Variants in FREM3 observed in about 807,000 individuals in gnomAD.
FREM3 encodes FRAS1 related extracellular matrix 3, also known as FRAS1-related extracellular matrix protein 3.
A neutral mutation model predicts 129.1 loss-of-function variants in FREM3; 105 were observed. The observed-to-expected ratio is 0.81, with a 90% CI of 0.69 to 0.96. The LOEUF is 0.96. Among genes scored for constraint, FREM3 ranks in the 40% least tolerant of loss-of-function variants. The pLI, the probability that FREM3 is intolerant of heterozygous loss-of-function variation, is 0.00. For missense variants in FREM3, 2,593 were observed against 2,666.3 expected, an observed-to-expected ratio of 0.97 and a Z score of 0.61; for synonymous variants, 1,014 against 1,044.9, an observed-to-expected ratio of 0.97 and a Z score of 0.57.
chr4:143,618,397 TA>T (rs1052126463), intron 5 of FREM3, among the ~76,000 whole-genome samples: 2 of 151,190 alleles, frequency 1.3e-5, no homozygotes, highest in East Asian at 1.9e-4. Context: ...TGTTTGTGGT[TA>T]AAAAAAAGAA....
Position 143,699,194 on chromosome 4 carries a change from T to C in FREM3, c.1482A>G (p.Thr494=). The C allele has an allele frequency of 6.5e-7, 1 of 1,537,338 alleles. No homozygotes were observed. The highest frequency in any genetic ancestry group is 8.7e-7 in the Non-Finnish European group (1 of 1,146,934). ...CTCGCCCTGCTGCCAGGTCCGCTGGTGTGAAATACTTGCACCCAGCAGGTG... is the reference window on the plus strand; with the variant it reads ...CTCGCCCTGCTGCCAGGTCCGCTGGCGTGAAATACTTGCACCCAGCAGGTG... ...FGAPAGCKYF[T]PADLAAGRVV... The change falls in exon 1 of 8, where the codon ACA becomes ACG. Residue 494 remains threonine (T), a synonymous_variant. Coordinates refer to ENST00000329798, the MANE Select transcript of FREM3 (RefSeq NM_001168235.2). The surrounding 1 kb of genome is among the most constrained non-coding windows in gnomAD (Gnocchi z 4.2).
intron 2 of FREM3, among the ~76,000 whole-genome samples, chr4:143,685,739 C>T (rs13133417): frequency 4.9e-4 from 75 of 152,216 alleles, no homozygotes; most frequent in Non-Finnish European, 8.4e-4. Context: ...CAGCTTCATC[C>T]ATGTCCAAAC....
intron 6 of FREM3, among the ~76,000 whole-genome samples, chr4:143,594,850 C>T (rs1235455234): frequency 5.3e-5 from 8 of 152,148 alleles, no homozygotes; most frequent in Non-Finnish European, 1.2e-4. Context: ...AGAAGAGTTT[C>T]CAAGTACTCT....
At chr4:143,691,998 G>A (rs1740479354) in intron 2 of FREM3, among the ~76,000 whole-genome samples, 2 of 152,128 alleles carry the variant, frequency 1.3e-5, no homozygotes, top group Admixed American at 6.6e-5. Context: ...AAACTTTAAG[G>A]GAGAAAATGG....
chr4:143,647,894 C>T (rs549041295), intron 2 of FREM3, among the ~76,000 whole-genome samples: 20 of 152,296 alleles, frequency 1.3e-4, no homozygotes, highest in Admixed American at 7.8e-4. Context: ...AAGAAGGCCA[C>T]CATCCTCCAG....
chr4:143,641,341 G>T (rs964227750), intron 2 of FREM3, among the ~76,000 whole-genome samples: 4 of 152,082 alleles, frequency 2.6e-5, no homozygotes, highest in Non-Finnish European at 4.4e-5. Context: ...CCTTGTAGAG[G>T]CATAAAAATA....
intron 2 of FREM3, among the ~76,000 whole-genome samples, chr4:143,644,074 A>G (rs1022402293): frequency 1.3e-5 from 2 of 152,172 alleles, no homozygotes; most frequent in Admixed American, 6.5e-5. Flanking sequence ...CTGTTATACG[A>G]TGATCAGGAG....
chr4:143,643,802 A>T (rs577347601), intron 2 of FREM3, among the ~76,000 whole-genome samples: 84 of 152,274 alleles, frequency 5.5e-4, no homozygotes, highest in Admixed American at 1.0e-3. Context: ...CAAAATAACT[A>T]GAAGAGAGGC....
At chr4:143,595,356 T>C (rs1219243031) in intron 6 of FREM3, among the ~76,000 whole-genome samples, 1 of 152,224 alleles carries the variant, frequency 6.6e-6, no homozygotes, top group Non-Finnish European at 1.5e-5. Context: ...TTGGTCAGTA[T>C]TGGTTCTGTA....
Position 143,699,883 on chromosome 4 carries a change from C to T in FREM3, c.793G>A (p.Val265Met). The T allele has an allele frequency of 1.3e-6, 2 of 1,536,730 alleles. No homozygotes were observed. Among genetic ancestry groups the T allele is most frequent in the Middle Eastern group, 1.7e-4 (1 of 5,990 alleles). ...TATSSPNRDY[V>M]PMMVELLGPE... ...CCCAGCAGCTCCACCATCATGGGCACGTAGTCACGGTTGGGCGAGGAGGTG... is the reference window on the plus strand; with the variant it reads ...CCCAGCAGCTCCACCATCATGGGCATGTAGTCACGGTTGGGCGAGGAGGTG... The change falls in exon 1 of 8, where the codon GTG (valine) becomes ATG (methionine). Residue 265 changes from valine to methionine, a missense_variant. Coordinates refer to ENST00000329798, the MANE Select transcript of FREM3 (RefSeq NM_001168235.2). The surrounding 1 kb of genome is among the most constrained non-coding windows in gnomAD (Gnocchi z 4.2).
chr4:143,681,370 T>C (rs1427319968), intron 2 of FREM3, among the ~76,000 whole-genome samples: 4 of 152,196 alleles, frequency 2.6e-5, no homozygotes, highest in African/African-American at 7.2e-5. Context: ...TTATATATAG[T>C]AGAGATGTGA....
intron 6 of FREM3, among the ~76,000 whole-genome samples, chr4:143,599,659 T>C (rs1015964675): frequency 1.3e-5 from 2 of 152,102 alleles, no homozygotes; most frequent in African/African-American, 4.8e-5. Flanking sequence ...GTCCAAAGAA[T>C]GTAGTAATTT....
chr4:143,578,660 T>C (rs1290018332), intron 7 of FREM3, among the ~76,000 whole-genome samples: 2 of 152,212 alleles, frequency 1.3e-5, no homozygotes, highest in Non-Finnish European at 2.9e-5. Flanking sequence ...AATGAGAGGA[T>C]AGTATCATCT....
rs973381525 is a variant in FREM3, at chr4:143,698,300, T to C, written c.2376A>G (p.Lys792=). Residue 792 remains lysine, a synonymous_variant, in exon 1 of 8, where the codon AAA becomes AAG. Transcript: ENST00000329798. ...GCACAACCCGTGGTGCAATACCCAA[T>C]TTCTGTGGAGGCTGGTAGGCAACTT... The part of the protein sequence containing the change: ...QHKVAYQPPQ[K]LGIAPRVVQF... The C allele has an allele frequency of 1.0e-5, 16 of 1,537,718 alleles. No homozygotes were observed. The highest frequency in any genetic ancestry group is 1.3e-5 in the Non-Finnish European group (15 of 1,147,022).
chr4:143,617,271 T>A (rs1195220222), intron 5 of FREM3, among the ~76,000 whole-genome samples: 1 of 152,072 alleles, frequency 6.6e-6, no homozygotes, highest in African/African-American at 2.4e-5. Context: ...TGGTGACATT[T>A]TTGGGGGTCA....
intron 2 of FREM3, among the ~76,000 whole-genome samples, chr4:143,634,987 G>A (rs983500669): frequency 2.0e-5 from 3 of 152,120 alleles, no homozygotes; most frequent in African/African-American, 7.2e-5. Flanking sequence ...TCAGCCAGAT[G>A]ATGCATTAAC....
chr4:143,595,889 G>GGAAAAAAAAAAAAAAAAAAAAAAAAAAAA (rs750809003), intron 6 of FREM3, among the ~76,000 whole-genome samples: 1 of 110,666 alleles, frequency 9.0e-6, no homozygotes, highest in Non-Finnish European at 1.8e-5. Context: ...CGCCATCTCA[G>GGAAAAAAAAAAAAAAAAAAAAAAAAAAAA]AAAAAAAAAA....
At chr4:143,602,245 G>T (rs569132028) in intron 6 of FREM3, among the ~76,000 whole-genome samples, 2 of 152,268 alleles carry the variant, frequency 1.3e-5, no homozygotes, top group African/African-American at 4.8e-5. Context: ...CTAAACTGCT[G>T]CTGGAGACAC....
At chr4:143,685,724 A>G (rs990799582) in intron 2 of FREM3, among the ~76,000 whole-genome samples, 4 of 152,336 alleles carry the variant, frequency 2.6e-5, no homozygotes, top group African/African-American at 9.6e-5. Flanking sequence ...TAAAAGATAC[A>G]GAACCAGCTT....
Sources: gnomAD v4.1 joint callset for allele counts (sites outside exome capture counted in the v4.1 genomes callset) on GRCh38, gnomAD v4.1.1 for gene constraint, Gnocchi (gnomAD v3.1) non-coding constraint, MANE v1.5 for transcripts, NCBI Gene and HGNC (gene_info 2026-07-23, HGNC 2026-07-21) for gene names.